EFCAB6: variants seen among roughly 807,000 people sequenced by gnomAD.
The protein encoded by EFCAB6 is EF-hand calcium-binding domain-containing protein 6.
Under a neutral mutation model 169.8 loss-of-function variants are expected in EFCAB6, and 156 were observed. The observed-to-expected ratio is 0.92, with a 90% CI of 0.81 to 1.05. The LOEUF (loss-of-function observed/expected upper bound fraction) is 1.05, where lower values mean the gene tolerates loss of function less well. Ranked by LOEUF, EFCAB6 falls within the 50% of genes least tolerant of loss-of-function variation. The pLI is 0.00. For missense variants in EFCAB6, 1,800 were observed against 1,829.1 expected (o/e 0.98, Z 0.29); for synonymous variants, 698 against 676.4 (o/e 1.03, Z -0.50).
intron 26 of EFCAB6, among the ~76,000 whole-genome samples, chr22:43,575,193 T>TTG (rs887155308): frequency 1.6e-5 from 2 of 121,466 alleles, no homozygotes; most frequent in African/African-American, 5.7e-5. Context: ...GTTGTTGTTG[T>TTG]TTGTTTGTTT....
At chr22:43,554,772 A>G in intron 27 of EFCAB6, 97 bp downstream of exon 27, 1 of 1,043,988 alleles carries the variant, frequency 9.6e-7, no homozygotes, top group Non-Finnish European at 1.4e-6. Context: ...GCATTTTAAA[A>G]ATAGAGAACA....
intron 9 of EFCAB6, among the ~76,000 whole-genome samples, chr22:43,715,832 A>G (rs757930167): frequency 6.6e-6 from 1 of 152,222 alleles, no homozygotes; most frequent in Non-Finnish European, 1.5e-5. Flanking sequence ...ACCCACAAAT[A>G]TGACAGTGCT....
At chr22:43,632,533 C>CA (rs2055052408) in intron 18 of EFCAB6, among the ~76,000 whole-genome samples, 1 of 152,150 alleles carries the variant, frequency 6.6e-6, no homozygotes, top group South Asian at 2.1e-4. Context: ...CTCCTGATCT[C>CA]AGGTGATCCG....
intron 21 of EFCAB6, among the ~76,000 whole-genome samples, chr22:43,612,119 T>C (rs768006701): frequency 2.6e-5 from 4 of 152,176 alleles, no homozygotes; most frequent in Non-Finnish European, 4.4e-5. Context: ...ATGCAGAAGA[T>C]TGAAACTGGG....
At chr22:43,755,370 G>A (rs1280455253) in intron 6 of EFCAB6, among the ~76,000 whole-genome samples, 1 of 152,198 alleles carries the variant, frequency 6.6e-6, no homozygotes. Context: ...ATCACTTTGA[G>A]TTTGACTGGT....
chr22:43,537,689 T>C lies in EFCAB6; in HGVS notation c.3880-144A>G. 9.7e-7 allele frequency: 1 copy of C among 1,032,964 alleles called. No individual in the cohort carries two copies. Among genetic ancestry groups the C allele is most frequent in the Non-Finnish European group, 1.4e-6 (1 of 737,952 alleles). The allele number at this position is 1,032,964 out of a possible 1,614,324, so 64.0% of individuals were successfully genotyped here. Reference sequence around the variant, plus strand: ...AATAAAATGAAGAATAAAACATAGATGGTGATTTTACAATGTAGCTTTTAT... The same window carrying C: ...AATAAAATGAAGAATAAAACATAGACGGTGATTTTACAATGTAGCTTTTAT... On this transcript the variant is annotated intron_variant, in intron 28 of 31. Transcript: ENST00000262726. This position sits in a 1 kb window ranked among gnomAD's most constrained non-coding sequence, Gnocchi z 4.3.
chr22:43,704,535 TAA>T (rs2058883575), intron 10 of EFCAB6, among the ~76,000 whole-genome samples: 1 of 152,184 alleles, frequency 6.6e-6, no homozygotes, highest in Non-Finnish European at 1.5e-5. Context: ...AAAAGGAATT[TAA>T]AAGACAGAAC....
At chr22:43,703,338 G>C (rs1350128524) in intron 10 of EFCAB6, among the ~76,000 whole-genome samples, 1 of 152,152 alleles carries the variant, frequency 6.6e-6, no homozygotes, top group East Asian at 1.9e-4. Context: ...AGAATCACAA[G>C]CTAGACTGAA....
chr22:43,581,789 T>C (rs943748864), intron 24 of EFCAB6, among the ~76,000 whole-genome samples: 4 of 152,176 alleles, frequency 2.6e-5, no homozygotes, highest in African/African-American at 9.7e-5. Context: ...AGAGCCGCCT[T>C]GCACAGGCTC....
At chr22:43,768,599 C>T (rs1445600622) in intron 4 of EFCAB6, among the ~76,000 whole-genome samples, 1 of 152,208 alleles carries the variant, frequency 6.6e-6, no homozygotes, top group African/African-American at 2.4e-5. Flanking sequence ...TTGATTGACA[C>T]ACATGTCACA....
chr22:43,643,639 C>T (rs1010474860), intron 17 of EFCAB6, among the ~76,000 whole-genome samples: 8 of 152,286 alleles, frequency 5.3e-5, no homozygotes, highest in East Asian at 1.9e-4. Flanking sequence ...CCCTGGGAGA[C>T]GCGTTGCTCC....
At chr22:43,539,837 C>T (rs909598405) in intron 28 of EFCAB6, among the ~76,000 whole-genome samples, 7 of 152,238 alleles carry the variant, frequency 4.6e-5, no homozygotes, top group East Asian at 1.9e-4. Context: ...CACTGCACTG[C>T]GGACAGGTGC....
intron 10 of EFCAB6, among the ~76,000 whole-genome samples, chr22:43,695,584 A>G (rs1036107867): frequency 6.6e-6 from 1 of 152,082 alleles, no homozygotes; most frequent in African/African-American, 2.4e-5. Flanking sequence ...TAATTTCAAG[A>G]CTTAACTCTT....
Position 43,537,363 on chromosome 22 carries a change from G to T in EFCAB6, c.4048+14C>A. On this transcript the variant is annotated intron_variant, in intron 29 of 31. Transcript: ENST00000262726. This position sits in a 1 kb window ranked among gnomAD's most constrained non-coding sequence, Gnocchi z 4.3. ...CTGACCACATATTACCAAGCAGATAGAATCTGAACGAACCCAGGAAATCGG... is the reference window on the plus strand; with the variant it reads ...CTGACCACATATTACCAAGCAGATATAATCTGAACGAACCCAGGAAATCGG... 1 of 1,613,564 alleles carries T rather than the reference G, an allele frequency of 6.2e-7. No homozygotes were observed. Among genetic ancestry groups the T allele is most frequent in the Non-Finnish European group, 8.5e-7 (1 of 1,179,656 alleles).
At chr22:43,680,853 A>C (rs987426396) in intron 12 of EFCAB6, among the ~76,000 whole-genome samples, 3 of 152,252 alleles carry the variant, frequency 2.0e-5, no homozygotes, top group Admixed American at 2.0e-4. Context: ...GTGTGAATGC[A>C]CACATGCACA....
intron 27 of EFCAB6, among the ~76,000 whole-genome samples, chr22:43,547,919 G>A (rs570733244): frequency 3.9e-5 from 6 of 151,962 alleles, no homozygotes; most frequent in Admixed American, 1.3e-4. Context: ...GTGAAACCCC[G>A]TCTCTAGTAA....
chr22:43,614,177 C>CAAAA (rs56164555), intron 21 of EFCAB6, among the ~76,000 whole-genome samples: 4 of 68,788 alleles, frequency 5.8e-5, no homozygotes, highest in Non-Finnish European at 7.3e-5. Context: ...CACAATACTG[C>CAAAA]AAAAAAAAAA....
At chr22:43,560,690 G>C (rs1350904959) in intron 26 of EFCAB6, among the ~76,000 whole-genome samples, 1 of 152,176 alleles carries the variant, frequency 6.6e-6, no homozygotes, top group Non-Finnish European at 1.5e-5. Flanking sequence ...ACCCAGCGTG[G>C]GAGGTAACAT....
intron 10 of EFCAB6, among the ~76,000 whole-genome samples, chr22:43,689,352 C>CAAACAA (rs770301293): frequency 6.7e-6 from 1 of 149,768 alleles, no homozygotes; most frequent in African/African-American, 2.5e-5. Flanking sequence ...AGCACGTGCA[C>CAAACAA]ACACACACAC....
Sources: gnomAD v4.1 joint callset for allele counts (sites outside exome capture counted in the v4.1 genomes callset) on GRCh38, gnomAD v4.1.1 for gene constraint, Gnocchi (gnomAD v3.1) non-coding constraint, MANE v1.5 for transcripts, NCBI Gene and HGNC (gene_info 2026-07-23, HGNC 2026-07-21) for gene names.